Variants in NDRG1 observed in about 807,000 individuals in gnomAD.
NDRG1 encodes protein NDRG1.
Under a neutral mutation model 56.9 loss-of-function variants are expected in NDRG1, and 32 were observed. The observed-to-expected ratio is 0.56, with a 90% CI of 0.42 to 0.76. NDRG1 has a LOEUF of 0.76. Ranked by LOEUF, NDRG1 falls within the 30% of genes least tolerant of loss-of-function variation. The pLI is 0.00. For missense variants in NDRG1, 507 were observed against 545.7 expected (o/e 0.93, Z 0.71); for synonymous variants, 211 against 204.1 (o/e 1.03, Z -0.29).
intron 10 of NDRG1, among the ~76,000 whole-genome samples, chr8:133,250,053 A>C (rs979851975): frequency 2.6e-5 from 4 of 152,228 alleles, no homozygotes; most frequent in African/African-American, 9.6e-5. Context: ...AACTCCCAGA[A>C]GCCTGCCTGG....
rs1857185834 is a variant in NDRG1, at chr8:133,271,564, C to T, written c.100-6912G>A. Among the ~76,000 whole-genome samples, 3 of 152,094 alleles carry T rather than the reference C, an allele frequency of 2.0e-5. No homozygotes were observed. In the South Asian group the frequency reaches 6.2e-4, roughly 32 times the overall value. On this transcript the variant is annotated intron_variant, in intron 3 of 15. Coordinates refer to ENST00000323851, the MANE Select transcript of NDRG1 (RefSeq NM_006096.4). ...CATAGGCTAGGTGTGATGGCTCACA[C>T]CTGTAACTTTGAGTTTGAGACCAGC...
chr8:133,244,754 G>T, intron 13 of NDRG1: 2 of 417,298 alleles, frequency 4.8e-6, no homozygotes, highest in Non-Finnish European at 8.9e-6. Context: ...GGATCTCTCT[G>T]ACCCGAAAGG....
intron 3 of NDRG1, among the ~76,000 whole-genome samples, chr8:133,271,484 G>A (rs1857182954): frequency 1.3e-5 from 2 of 152,126 alleles, no homozygotes; most frequent in South Asian, 2.1e-4. Flanking sequence ...TGGAGGAGGA[G>A]GTGGAGACAC....
At chr8:133,267,857 G>A (rs900257296) in intron 3 of NDRG1, among the ~76,000 whole-genome samples, 1 of 152,142 alleles carries the variant, frequency 6.6e-6, no homozygotes, top group Non-Finnish European at 1.5e-5. Flanking sequence ...CACCTGCACG[G>A]AGCCCAGAGC....
intron 15 of NDRG1, 105 bp from the exon 16 acceptor site, chr8:133,239,224 G>T (rs1202534382): frequency 1.3e-6 from 2 of 1,515,876 alleles, no homozygotes; most frequent in African/African-American, 1.4e-5. Context: ...CAGCCCCAGA[G>T]AAGACTTGAT....
chr8:133,294,302 CA>C (rs1858607946), intron 1 of NDRG1, among the ~76,000 whole-genome samples: 2 of 152,204 alleles, frequency 1.3e-5, no homozygotes, highest in Non-Finnish European at 2.9e-5. Flanking sequence ...CTCATCCATT[CA>C]ATGGAGCAAT....
At chr8:133,276,545 T>C (rs1376153748) in intron 3 of NDRG1, among the ~76,000 whole-genome samples, 2 of 152,178 alleles carry the variant, frequency 1.3e-5, no homozygotes, top group East Asian at 3.9e-4. Flanking sequence ...GTTTTGCCTG[T>C]GCTGTTCTCG....
chr8:133,252,314 C>T (rs1030074721), intron 9 of NDRG1, among the ~76,000 whole-genome samples: 2 of 152,138 alleles, frequency 1.3e-5, no homozygotes, highest in African/African-American at 2.4e-5. Context: ...AGGCTCGTCT[C>T]GAACTCCTGA....
At chr8:133,248,005 GCC>G in intron 11 of NDRG1, 79 bp from the exon 12 acceptor site, 1 of 1,368,114 alleles carries the variant, frequency 7.3e-7, no homozygotes, top group Non-Finnish European at 1.0e-6. Flanking sequence ...CCAGGCTGGG[GCC>G]TGCATTCTAC....
intron 1 of NDRG1, among the ~76,000 whole-genome samples, chr8:133,291,226 T>C (rs1263032716): frequency 2.0e-5 from 3 of 152,208 alleles, no homozygotes; most frequent in African/African-American, 4.8e-5. Context: ...AAAGCCAGTG[T>C]TCTCTCCAGC....
At chr8:133,265,113 A>C in intron 3 of NDRG1, 1 of 247,220 alleles carries the variant, frequency 4.0e-6, no homozygotes, top group Non-Finnish European at 8.1e-6. Flanking sequence ...TCAGGAACCC[A>C]CCCAACCCTC....
At chr8:133,241,988 C>T (rs751818789) in intron 15 of NDRG1, 35 bp downstream of exon 15, 24 of 1,613,488 alleles carry the variant, frequency 1.5e-5, no homozygotes, top group Middle Eastern at 1.7e-4. Flanking sequence ...CGACACATGC[C>T]CCGACCCACT....
At position 133,248,729 on chromosome 8, in the gene NDRG1, G is replaced by A. The variant is rs755977835; in HGVS notation, c.741C>T (p.His247=). 9 of 1,614,240 alleles carry A rather than the reference G, an allele frequency of 5.6e-6. No individual in the cohort carries two copies. The South Asian group carries it at 8.8e-5, about 16-fold the overall frequency. ...AAGCCACTCACTGCAGGGTGACTGT[G>A]TGGGTTCCCGGCATTGGTCGCTCAA... is the stretch of plus-strand genomic sequence containing the variant. ...LEIERPMPGT[H]TVTLQCPALL... Residue 247 remains histidine, a synonymous_variant, in exon 11 of 16, where the codon CAC becomes CAT. Transcript: ENST00000323851.
intron 3 of NDRG1, among the ~76,000 whole-genome samples, chr8:133,278,731 C>T (rs1193540884): frequency 1.3e-5 from 2 of 152,074 alleles, no homozygotes; most frequent in East Asian, 1.9e-4. Context: ...CAGCACCTGG[C>T]AGGTAAGAAG....
intron 14 of NDRG1, among the ~76,000 whole-genome samples, chr8:133,242,603 TA>T (rs987433644): frequency 1.3e-5 from 2 of 151,996 alleles, no homozygotes; most frequent in Non-Finnish European, 2.9e-5. Context: ...TCTCCAAACC[TA>T]AAACACTTGT....
At chr8:133,271,393 G>C (rs1017169922) in intron 3 of NDRG1, among the ~76,000 whole-genome samples, 1 of 152,056 alleles carries the variant, frequency 6.6e-6, no homozygotes, top group Admixed American at 6.5e-5. Flanking sequence ...AGAATGTCAG[G>C]GGCCTGCCCC....
chr8:133,248,509 G>A (rs1855820849), intron 11 of NDRG1, among the ~76,000 whole-genome samples: 1 of 152,172 alleles, frequency 6.6e-6, no homozygotes, highest in African/African-American at 2.4e-5. Flanking sequence ...AAAGGCCTAG[G>A]TCATGGGGAC....
At chr8:133,250,674 G>T in intron 9 of NDRG1, 131 bp from the exon 10 acceptor site, 1 of 795,134 alleles carries the variant, frequency 1.3e-6, no homozygotes, top group Non-Finnish European at 2.1e-6. Flanking sequence ...GACAGCGACG[G>T]ACCTAAAAAA....
chr8:133,237,298 C>T lies in NDRG1; in HGVS notation c.*1580G>A, dbSNP rs939078473. On this transcript the variant is annotated 3_prime_UTR_variant, in exon 16 of 16. Transcript: ENST00000323851. The stretch of plus-strand genomic sequence containing the variant: ...CAGCCTCTCTTGCCCCGATCCCCGA[C>T]TTTTCTACTCAAGGCCAGGGAAGGC... 4 of 231,698 alleles carry T rather than the reference C, an allele frequency of 1.7e-5. No homozygotes were observed. The highest frequency in any genetic ancestry group is 3.4e-5 in the Non-Finnish European group (4 of 117,150). 14.4% of individuals were successfully genotyped at this position (231,698 alleles called of 1,614,324 possible).
Sources: gnomAD v4.1 joint callset for allele counts (sites outside exome capture counted in the v4.1 genomes callset) on GRCh38, gnomAD v4.1.1 for gene constraint, MANE v1.5 for transcripts, NCBI Gene and HGNC (gene_info 2026-07-23, HGNC 2026-07-21) for gene names.